The following SUCLG2 variants were observed in gnomAD, a reference collection of about 807,000 sequenced individuals.
The protein encoded by SUCLG2 is succinate-CoA ligase GDP-forming subunit beta, also known as succinate--CoA ligase [GDP-forming] subunit beta, mitochondrial.
In SUCLG2, 42 loss-of-function variants were observed where a neutral mutation model predicts 47.9. The ratio of observed to expected loss-of-function variants is 0.88; its 90% confidence interval spans 0.69 to 1.14. The LOEUF (loss-of-function observed/expected upper bound fraction) is 1.14, where lower values mean the gene tolerates loss of function less well. Among genes scored for constraint, SUCLG2 ranks in the 50% most tolerant of loss-of-function variants. The pLI is 0.00. For synonymous variants in SUCLG2, 195 were observed against 197.3 expected (o/e 0.99, Z 0.10); for missense variants, 571 against 525.9 (o/e 1.09, Z -0.84).
chr3:67,590,153 A>C (rs1006267801), intron 2 of SUCLG2, among the ~76,000 whole-genome samples: 1 of 152,212 alleles, frequency 6.6e-6, no homozygotes, highest in Non-Finnish European at 1.5e-5. Context: ...TCATTTCAGA[A>C]AGAGAAATAA....
chr3:67,408,100 T>C lies in SUCLG2; in HGVS notation c.1063-7249A>G, dbSNP rs189628974. On this transcript the variant is annotated intron_variant, in intron 9 of 10. Transcript: ENST00000307227. ...TAATAATACAAATAAACCAACAGAT[T>C]GGTTCGATTGGGACCAGATTTGCCT... 4.7e-4 allele frequency among the ~76,000 whole-genome samples: 72 copies of C among 152,320 alleles called. 1 individual carries two copies. The highest frequency in any genetic ancestry group is 3.4e-3 in the Middle Eastern group (1 of 294).
At chr3:67,593,854 C>G (rs1232959372) in intron 2 of SUCLG2, among the ~76,000 whole-genome samples, 1 of 152,208 alleles carries the variant, frequency 6.6e-6, no homozygotes, top group Non-Finnish European at 1.5e-5. Context: ...TTCCTCATCT[C>G]TCCCTGGATC....
At chr3:67,390,558 T>G (rs1702357627) in intron 10 of SUCLG2, among the ~76,000 whole-genome samples, 1 of 152,174 alleles carries the variant, frequency 6.6e-6, no homozygotes. Flanking sequence ...AAAAGACTCT[T>G]GCGTGAAATG....
intron 9 of SUCLG2, among the ~76,000 whole-genome samples, chr3:67,493,903 T>A (rs1559546521): frequency 6.6e-6 from 1 of 152,236 alleles, no homozygotes. Flanking sequence ...CTTATGTAAG[T>A]GGAAACATTG....
intron 10 of SUCLG2, among the ~76,000 whole-genome samples, chr3:67,388,018 A>C (rs1702297491): frequency 6.6e-6 from 1 of 152,124 alleles, no homozygotes; most frequent in South Asian, 2.1e-4. Context: ...AATGGTAACA[A>C]GTGTTATCTG....
intron 1 of SUCLG2, among the ~76,000 whole-genome samples, chr3:67,620,495 G>C (rs1303714757): frequency 7.3e-6 from 1 of 137,826 alleles, no homozygotes; most frequent in African/African-American, 2.7e-5. Context: ...TGAGACAGGA[G>C]AACAGCTTGA....
intron 9 of SUCLG2, among the ~76,000 whole-genome samples, chr3:67,428,443 C>T (rs1271816398): frequency 3.3e-5 from 5 of 152,126 alleles, no homozygotes; most frequent in East Asian, 1.9e-4. Context: ...CCCATCTGTG[C>T]GTCACCATCA....
rs115280592 is a variant in SUCLG2, at chr3:67,454,568, T to C, written c.1062+41230A>G. Among the ~76,000 whole-genome samples, 768 of 152,310 alleles carry C rather than the reference T, an allele frequency of 5.0e-3. 8 individuals are homozygous for C. The highest frequency in any genetic ancestry group is 0.018 in the African/African-American group (745 of 41,568). ...AGCTATACATATATAGATAGATGGATAGTTGTTGAAGCATTTCATACTGAG... is the reference window on the plus strand; with the variant it reads ...AGCTATACATATATAGATAGATGGACAGTTGTTGAAGCATTTCATACTGAG... On this transcript the variant is annotated intron_variant, in intron 9 of 10. Coordinates refer to ENST00000307227, the MANE Select transcript of SUCLG2 (RefSeq NM_003848.4).
intron 9 of SUCLG2, among the ~76,000 whole-genome samples, chr3:67,429,065 G>C (rs13090709): frequency 0.018 from 2,797 of 152,236 alleles, 42 homozygotes; most frequent in Non-Finnish European, 0.027. Context: ...AACCTAGCAA[G>C]GCAGGCCAAC....
chr3:67,556,774 G>T (rs1194708177), intron 2 of SUCLG2, among the ~76,000 whole-genome samples: 1 of 152,112 alleles, frequency 6.6e-6, no homozygotes, highest in Admixed American at 6.5e-5. Flanking sequence ...AGTTACCAAG[G>T]ACAACATGTT....
At position 67,394,768 on chromosome 3, in the gene SUCLG2, G is replaced by A. The variant is rs1482950288; in HGVS notation, c.1183+5963C>T. ...AAGGAAAAAATGTTAAGGGCAGCCA[G>A]AGAGAAAGGTCGGGTTACCCACAAA... On this transcript the variant is annotated intron_variant, in intron 10 of 10. Coordinates refer to ENST00000307227, the MANE Select transcript of SUCLG2 (RefSeq NM_003848.4). Among the ~76,000 whole-genome samples, 7 of 151,546 alleles carry A rather than the reference G, an allele frequency of 4.6e-5. No individual in the cohort carries two copies. In the East Asian group the frequency reaches 7.8e-4, roughly 17 times the overall value.
intron 1 of SUCLG2, among the ~76,000 whole-genome samples, chr3:67,629,818 T>C (rs1429916341): frequency 1.3e-5 from 2 of 152,066 alleles, no homozygotes; most frequent in South Asian, 2.1e-4. Context: ...ATTTTATAAG[T>C]AACAAAAGAA....
chr3:67,579,398 G>A (rs1707825252), intron 2 of SUCLG2, among the ~76,000 whole-genome samples: 1 of 152,170 alleles, frequency 6.6e-6, no homozygotes, highest in South Asian at 2.1e-4. Flanking sequence ...ACTCGAAGTT[G>A]GATGAGACTA....
intron 1 of SUCLG2, among the ~76,000 whole-genome samples, chr3:67,644,159 A>G (rs6790771): frequency 0.3 from 45,128 of 152,150 alleles, 7,205 homozygotes; most frequent in Non-Finnish European, 0.36. Flanking sequence ...ATGTTAACAT[A>G]AGGTATACCT....
intron 9 of SUCLG2, among the ~76,000 whole-genome samples, chr3:67,450,243 T>C (rs1381750833): frequency 6.6e-6 from 1 of 152,176 alleles, no homozygotes; most frequent in Non-Finnish European, 1.5e-5. Flanking sequence ...GGTTTTGCTA[T>C]GATTCCCAGG....
intron 2 of SUCLG2, among the ~76,000 whole-genome samples, chr3:67,537,016 A>G (rs999660602): frequency 1.3e-5 from 2 of 152,032 alleles, no homozygotes; most frequent in Non-Finnish European, 2.9e-5. Flanking sequence ...ATAAAACACC[A>G]TATGTACAGT....
chr3:67,408,315 T>C (rs1415024724), intron 9 of SUCLG2, among the ~76,000 whole-genome samples: 1 of 152,188 alleles, frequency 6.6e-6, no homozygotes, highest in Non-Finnish European at 1.5e-5. Context: ...CCTCCCACTC[T>C]GCCCTTTTAA....
chr3:67,484,956 T>C (rs1705013564), intron 9 of SUCLG2, among the ~76,000 whole-genome samples: 1 of 152,152 alleles, frequency 6.6e-6, no homozygotes, highest in Non-Finnish European at 1.5e-5. Flanking sequence ...AGAAAGAGAA[T>C]GGAAAAATAA....
At chr3:67,507,360 C>T (rs543915279) in intron 7 of SUCLG2, among the ~76,000 whole-genome samples, 15 of 152,146 alleles carry the variant, frequency 9.9e-5, no homozygotes, top group Admixed American at 7.2e-4. Flanking sequence ...CTATACTATT[C>T]CTGGGCTACT....
Sources: gnomAD v4.1 joint callset for allele counts (sites outside exome capture counted in the v4.1 genomes callset) on GRCh38, gnomAD v4.1.1 for gene constraint, MANE v1.5 for transcripts, NCBI Gene and HGNC (gene_info 2026-07-23, HGNC 2026-07-21) for gene names.